Variants in ACOX2 observed in about 807,000 individuals in gnomAD.
ACOX2 encodes peroxisomal acyl-coenzyme A oxidase 2.
In ACOX2, 59 loss-of-function variants were observed where a neutral mutation model predicts 77.5. That is an observed-to-expected ratio of 0.76 (90% CI 0.62 to 0.95). The LOEUF is 0.95. ACOX2 is among the 40% of genes least tolerant of loss of function. The pLI is 0.00. For synonymous variants in ACOX2, 317 were observed against 340.1 expected, an observed-to-expected ratio of 0.93 and a Z score of 0.75; for missense variants, 837 against 880.4, an observed-to-expected ratio of 0.95 and a Z score of 0.62.
At position 58,534,813 on chromosome 3, in the gene ACOX2, A is replaced by T; in HGVS notation, c.160+134T>A. 6.9e-7 allele frequency: 1 copy of T among 1,453,980 alleles called. No homozygotes were observed. Among genetic ancestry groups the T allele is most frequent in the Non-Finnish European group, 9.5e-7 (1 of 1,052,840 alleles). The allele number at this position is 1,453,980 out of a possible 1,614,324, so 90.1% of individuals were successfully genotyped here. A position where few individuals can be genotyped will look rare whatever the true frequency, so the allele number is the denominator to read the frequency against. On this transcript the variant is annotated intron_variant, in intron 2 of 14. Transcript: ENST00000302819. The surrounding 1 kb of genome is among the most constrained non-coding windows in gnomAD (Gnocchi z 4.8). The stretch of plus-strand genomic sequence containing the variant: ...TGTGAAGATTGTCTTTACAGTTCGA[A>T]GGAATGAATCTCTAACAGTGGAATT...
Position 58,512,564 on chromosome 3 carries a change from C to T in ACOX2, c.1851-3539G>A, listed in dbSNP as rs891037058. ...TGATCTACCTTACCGTCTCTTCCCA[C>T]CCCCTACTGTACTCCCTTAACTCTC... On this transcript the variant is annotated intron_variant, in intron 13 of 14. Transcript: ENST00000302819. This position sits in a 1 kb window ranked among gnomAD's most constrained non-coding sequence, Gnocchi z 4.8. 1.3e-5 allele frequency among the ~76,000 whole-genome samples: 2 copies of T among 152,316 alleles called. No individual in the cohort carries two copies. The highest frequency in any genetic ancestry group is 4.8e-5 in the African/African-American group (2 of 41,570).
Position 58,526,856 on chromosome 3 carries a change from G to C in ACOX2, c.1156-200C>G. ...ACCCAGAGGCACACAATTAGGCAATGTAGCTGTAGGGGCATAAGAGTGAAG... is the reference window on the plus strand; with the variant it reads ...ACCCAGAGGCACACAATTAGGCAATCTAGCTGTAGGGGCATAAGAGTGAAG... On this transcript the variant is annotated intron_variant, in intron 9 of 14. Transcript: ENST00000302819. The surrounding 1 kb of genome is among the most constrained non-coding windows in gnomAD (Gnocchi z 4.3). 1 of 569,968 alleles carries C rather than the reference G, an allele frequency of 1.8e-6. No individual in the cohort carries two copies. Among genetic ancestry groups the C allele is most frequent in the Non-Finnish European group, 3.1e-6 (1 of 327,330 alleles). The allele number at this position is 569,968 out of a possible 1,614,324, so 35.3% of individuals were successfully genotyped here.
In ACOX2 at chr3:58,535,025, T is replaced by C; in HGVS notation, c.82A>G (p.Met28Val). The C allele has an allele frequency of 6.2e-7, 1 of 1,614,232 alleles. No homozygotes were observed. The highest frequency in any genetic ancestry group is 1.1e-5 in the South Asian group (1 of 91,078). Reference protein sequence around the residue: ...MHPDIESERYMQSFDVERLTN... With the variant: ...MHPDIESERYVQSFDVERLTN... ...AGCCGTTCCACGTCAAAGGACTGCA[T>C]ATACCTCTCGCTCTCTATGTCGGGG... is the stretch of plus-strand genomic sequence containing the variant. The change falls in exon 2 of 15, where the codon ATG (methionine) becomes GTG (valine). Residue 28 changes from methionine (M) to valine (V), a missense_variant. Transcript: ENST00000302819. The surrounding 1 kb of genome is among the most constrained non-coding windows in gnomAD (Gnocchi z 4.8).
In ACOX2 at chr3:58,505,137, C is replaced by G. The variant is rs939617363; in HGVS notation, c.*87G>C. 19 of 1,101,656 alleles carry G rather than the reference C, an allele frequency of 1.7e-5. No homozygotes were observed. Among genetic ancestry groups the G allele is most frequent in the African/African-American group, 3.2e-5 (2 of 63,074 alleles). 68.2% of individuals were successfully genotyped at this position (1,101,656 alleles called of 1,614,324 possible). ...GATAATGACTCTAAAACATAAATAT[C>G]TAATTTAAAATTTTAATGTTGCATA... On this transcript the variant is annotated 3_prime_UTR_variant, in exon 15 of 15. Coordinates refer to ENST00000302819, the MANE Select transcript of ACOX2 (RefSeq NM_003500.4). The surrounding 1 kb of genome is among the most constrained non-coding windows in gnomAD (Gnocchi z 4.4).
In ACOX2 at chr3:58,505,164, A is replaced by G. The variant is rs2063225010; in HGVS notation, c.*60T>C. On this transcript the variant is annotated 3_prime_UTR_variant, in exon 15 of 15. Transcript: ENST00000302819. This position sits in a 1 kb window ranked among gnomAD's most constrained non-coding sequence, Gnocchi z 4.4. ...AATTTAAAATTTTAATGTTGCATAT[A>G]TGCCATAGTACCATTATCACATGAT... 6.6e-6 allele frequency: 9 copies of G among 1,369,624 alleles called. No homozygotes were observed. The highest frequency in any genetic ancestry group is 9.2e-6 in the Non-Finnish European group (9 of 983,292). The allele number at this position is 1,369,624 out of a possible 1,614,324, so 84.8% of individuals were successfully genotyped here.
rs1227313343 is a variant in ACOX2, at chr3:58,531,703, G to A, written c.693C>T (p.Thr231=). 2 of 1,613,974 alleles carry A rather than the reference G, an allele frequency of 1.2e-6. No individual in the cohort carries two copies. Among genetic ancestry groups the A allele is most frequent in the African/African-American group, 1.3e-5 (1 of 74,924 alleles). The change falls in exon 6 of 15, where the codon ACC becomes ACT. Residue 231 remains threonine, a synonymous_variant. Coordinates refer to ENST00000302819, the MANE Select transcript of ACOX2 (RefSeq NM_003500.4). The surrounding 1 kb of genome is among the most constrained non-coding windows in gnomAD (Gnocchi z 5.8). ...IVPIRSLQDH[T]PLPGIIIGDI... is the part of the protein sequence containing the mutation. ...GCATTATGGGCTTACCTGGCAGTGG[G>A]GTGTGGTCCTGAAGACTCCGGATTG...
At chr3:58,520,626 C>T (rs2107997825) in intron 12 of ACOX2, among the ~76,000 whole-genome samples, 1 of 152,352 alleles carries the variant, frequency 6.6e-6, no homozygotes, top group South Asian at 2.1e-4. Context: ...TTATCTCTAC[C>T]TGCACATTTA....
rs760466361 is a variant in ACOX2, at chr3:58,533,595, G to A, written c.476-43C>T. The A allele has an allele frequency of 6.3e-7, 1 of 1,580,546 alleles. No homozygotes were observed. Among genetic ancestry groups the A allele is most frequent in the Non-Finnish European group, 8.7e-7 (1 of 1,150,168 alleles). Reference sequence around the variant, plus strand: ...GTGTTAGACATTGGCCTGAGGTGGGGTTCTTACCTGTGAAGCTGCTTCTAG... The same window carrying A: ...GTGTTAGACATTGGCCTGAGGTGGGATTCTTACCTGTGAAGCTGCTTCTAG... On this transcript the variant is annotated intron_variant, in intron 4 of 14. Coordinates refer to ENST00000302819, the MANE Select transcript of ACOX2 (RefSeq NM_003500.4). This position sits in a 1 kb window ranked among gnomAD's most constrained non-coding sequence, Gnocchi z 5.6.
chr3:58,526,737 A>G lies in ACOX2; in HGVS notation c.1156-81T>C. The G allele has an allele frequency of 6.9e-7, 1 of 1,442,796 alleles. No individual in the cohort carries two copies. The highest frequency in any genetic ancestry group is 2.3e-5 in the East Asian group (1 of 43,130). The allele number at this position is 1,442,796 out of a possible 1,614,324, so 89.4% of individuals were successfully genotyped here. ...CAACCCTGTGCACCACTTACTGAGC[A>G]TCTACTCATGCCCAGCTCAGCTCTG... On this transcript the variant is annotated intron_variant, in intron 9 of 14. Transcript: ENST00000302819. The surrounding 1 kb of genome is among the most constrained non-coding windows in gnomAD (Gnocchi z 4.3).
In ACOX2 at chr3:58,521,766, G is replaced by C. The variant is rs2063360186; in HGVS notation, c.1632+730C>G. Among the ~76,000 whole-genome samples the C allele has an allele frequency of 6.6e-6, 1 of 152,194 alleles. No individual in the cohort carries two copies. On this transcript the variant is annotated intron_variant, in intron 12 of 14. Transcript: ENST00000302819. This position sits in a 1 kb window ranked among gnomAD's most constrained non-coding sequence, Gnocchi z 4.8. ...TGTCTCTCCTTCTCCCCTAGTCTCA[G>C]TCCTTCTCCTTAGGTCCTCCTTGGG... is the stretch of plus-strand genomic sequence containing the variant.
chr3:58,518,075 CA>C (rs763535906), intron 12 of ACOX2, among the ~76,000 whole-genome samples: 13,440 of 48,668 alleles, frequency 0.28, 298 homozygotes, highest in East Asian at 0.43. Context: ...AACTCCATCT[CA>C]AAAAAAAAAA....
intron 12 of ACOX2, among the ~76,000 whole-genome samples, chr3:58,520,277 G>T (rs183222352): frequency 4.7e-5 from 7 of 149,388 alleles, no homozygotes; most frequent in African/African-American, 7.4e-5. Flanking sequence ...CAAGGTCATG[G>T]CTAGGAAGTG....
chr3:58,536,161 C>T (rs1225244717), intron 1 of ACOX2, among the ~76,000 whole-genome samples: 1 of 152,126 alleles, frequency 6.6e-6, no homozygotes, highest in Admixed American at 6.5e-5. Context: ...TCCACTCATT[C>T]TCTTCCTACC....
Position 58,522,593 on chromosome 3 carries a change from T to C in ACOX2, c.1535A>G (p.Lys512Arg). The change falls in exon 12 of 15, where the codon AAG (lysine) becomes AGG (arginine). Residue 512 changes from lysine (K) to arginine (R), a missense_variant. By Grantham distance (26) the Lys-to-Arg change is conservative (BLOSUM62 2). Transcript: ENST00000302819. This position sits in a 1 kb window ranked among gnomAD's most constrained non-coding sequence, Gnocchi z 4.3. Reference protein sequence around the residue: ...AWAHVAVRLIKDSVQHLQTLT... With the variant: ...AWAHVAVRLIRDSVQHLQTLT... ...GGTCTGTAAATGCTGCACTGAGTCC[T>C]TTATGAGCCTGAAAGCCAAAGCAAA... 6.2e-7 allele frequency: 1 copy of C among 1,614,160 alleles called. No individual in the cohort carries two copies. Among genetic ancestry groups the C allele is most frequent in the Non-Finnish European group, 8.5e-7 (1 of 1,180,016 alleles).
At position 58,526,395 on chromosome 3, in the gene ACOX2, C is replaced by A. The variant is rs527941137; in HGVS notation, c.1346+71G>T. On this transcript the variant is annotated intron_variant, in intron 10 of 14. Transcript: ENST00000302819. The surrounding 1 kb of genome is among the most constrained non-coding windows in gnomAD (Gnocchi z 4.3). ...CTCTTTTTATGGGCCTCAGACGGAA[C>A]CCTCCACCCAACAGAAGCTTGGTGG... 1,072 of 1,488,276 alleles carry A rather than the reference C, an allele frequency of 7.2e-4. 14 individuals carry two copies. Among genetic ancestry groups the A allele is most frequent in the Middle Eastern group, 2.2e-3 (11 of 5,030 alleles). 92.2% of individuals were successfully genotyped at this position (1,488,276 alleles called of 1,614,324 possible).
chr3:58,513,093 C>T lies in ACOX2; in HGVS notation c.1851-4068G>A, dbSNP rs116428224. 3.0e-3 allele frequency among the ~76,000 whole-genome samples: 451 copies of T among 152,320 alleles called. 2 individuals carry two copies. The highest frequency in any genetic ancestry group is 0.01 in the African/African-American group (435 of 41,572). On this transcript the variant is annotated intron_variant, in intron 13 of 14. Coordinates refer to ENST00000302819, the MANE Select transcript of ACOX2 (RefSeq NM_003500.4). ...TGTCACCCTCCCAGGGAGGCCTTCT[C>T]TGGCCTACTTAAAATTGTAGCTCCC...
chr3:58,508,005 G>A (rs568624132), intron 14 of ACOX2, among the ~76,000 whole-genome samples: 35 of 152,294 alleles, frequency 2.3e-4, no homozygotes, highest in African/African-American at 7.0e-4. Context: ...CCTGAATCAT[G>A]TATTTGCACT....
Position 58,526,654 on chromosome 3 carries a change from G to A in ACOX2, c.1158C>T (p.Leu386=), listed in dbSNP as rs781590589. The A allele has an allele frequency of 6.2e-7, 1 of 1,613,364 alleles. No homozygotes were observed. The highest frequency in any genetic ancestry group is 8.5e-7 in the Non-Finnish European group (1 of 1,179,640). ...CCTTCATGCCCGTGCTCAGTGCGTG[G>A]AGCTGTGAGAACATGGAGGGGGGTT... is the stretch of plus-strand genomic sequence containing the variant. ...LNQDFSFLPE[L]HALSTGMKAM... The change falls in exon 10 of 15, where the codon CTC becomes CTT. Residue 386 remains leucine, a splice_region_variant and synonymous_variant. Transcript: ENST00000302819. The surrounding 1 kb of genome is among the most constrained non-coding windows in gnomAD (Gnocchi z 4.3).
chr3:58,508,414 G>A (rs1166791685), intron 14 of ACOX2, among the ~76,000 whole-genome samples: 1 of 152,118 alleles, frequency 6.6e-6, no homozygotes, highest in South Asian at 2.1e-4. Flanking sequence ...AGAGGAGAGG[G>A]TATCATCTCT....
Sources: allele counts gnomAD v4.1 joint callset (sites outside exome capture counted in the v4.1 genomes callset), GRCh38; gene constraint gnomAD v4.1.1; non-coding constraint Gnocchi (gnomAD v3.1); transcripts MANE v1.5; gene names NCBI Gene and HGNC (gene_info 2026-07-23, HGNC 2026-07-21).